Variants in SLC24A2 observed in about 807,000 individuals in gnomAD.
The protein encoded by SLC24A2 is sodium/potassium/calcium exchanger 2.
SLC24A2 carries 36 observed loss-of-function variants against 62.0 expected under a neutral mutation model. The ratio of observed to expected loss-of-function variants is 0.58; its 90% confidence interval spans 0.44 to 0.77. The LOEUF (loss-of-function observed/expected upper bound fraction) is 0.77, where lower values mean the gene tolerates loss of function less well. SLC24A2 is among the 30% of genes least tolerant of loss of function. The pLI, the probability that SLC24A2 is intolerant of heterozygous loss-of-function variation, is 0.00. For synonymous variants in SLC24A2, 358 were observed against 294.0 expected (o/e 1.22, Z -2.23); for missense variants, 846 against 817.9 (o/e 1.03, Z -0.42).
the SLC24A2 span, among the ~76,000 whole-genome samples, chr9:20,004,811 ATT>A: frequency 6.7e-5 from 10 of 150,120 alleles, no homozygotes; most frequent in South Asian, 2.1e-4. Context: ...GAAGATGATG[ATT>A]TTTTTTTTTC....
chr9:20,034,613 C>T, the SLC24A2 span, among the ~76,000 whole-genome samples: 1 of 151,950 alleles, frequency 6.6e-6, no homozygotes, highest in African/African-American at 2.4e-5. Context: ...ATTACAGTGG[C>T]CCGCCACTAT....
the SLC24A2 span, among the ~76,000 whole-genome samples, chr9:19,884,807 C>A: frequency 6.6e-6 from 1 of 152,090 alleles, no homozygotes; most frequent in African/African-American, 2.4e-5. Flanking sequence ...TGATTTTGCC[C>A]AACAGTAGGC....
the SLC24A2 span, among the ~76,000 whole-genome samples, chr9:20,056,412 T>C: frequency 6.6e-6 from 1 of 152,180 alleles, no homozygotes; most frequent in Non-Finnish European, 1.5e-5. Flanking sequence ...ATCATGACCA[T>C]CTGCAAAATA....
chr9:20,000,820 A>G, the SLC24A2 span, among the ~76,000 whole-genome samples: 1 of 152,210 alleles, frequency 6.6e-6, no homozygotes, highest in African/African-American at 2.4e-5. Flanking sequence ...TCCTCTATAC[A>G]CAGAGAAAAC....
At chr9:19,845,286 T>C in the SLC24A2 span, among the ~76,000 whole-genome samples, 3 of 152,092 alleles carry the variant, frequency 2.0e-5, no homozygotes, top group African/African-American at 7.2e-5. Flanking sequence ...TATTATACAT[T>C]GGATTGTATT....
At chr9:19,857,526 CTTTAA>C in the SLC24A2 span, among the ~76,000 whole-genome samples, 1 of 152,120 alleles carries the variant, frequency 6.6e-6, no homozygotes, top group Non-Finnish European at 1.5e-5. Context: ...TTTAAATCTT[CTTTAA>C]TTTTTCTCAG....
the SLC24A2 span, among the ~76,000 whole-genome samples, chr9:20,002,060 A>C: frequency 6.6e-6 from 1 of 152,222 alleles, no homozygotes; most frequent in Non-Finnish European, 1.5e-5. Context: ...TGAGGACTAA[A>C]GCCCTGCTTT....
chr9:20,205,391 G>A, the SLC24A2 span, among the ~76,000 whole-genome samples: 1 of 152,124 alleles, frequency 6.6e-6, no homozygotes, highest in Non-Finnish European at 1.5e-5. Context: ...GTTTACACCT[G>A]TAATCTCAGC....
At chr9:20,197,023 T>A in the SLC24A2 span, among the ~76,000 whole-genome samples, 1 of 152,240 alleles carries the variant, frequency 6.6e-6, no homozygotes, top group East Asian at 1.9e-4. Context: ...TAACATAATT[T>A]ACACAGCCCT....
the SLC24A2 span, among the ~76,000 whole-genome samples, chr9:19,798,858 AACTTT>A: frequency 8.1e-4 from 124 of 152,220 alleles, no homozygotes; most frequent in African/African-American, 2.8e-3. Flanking sequence ...TTCTCTTTGA[AACTTT>A]ACTTTATTTC....
the SLC24A2 span, among the ~76,000 whole-genome samples, chr9:20,221,709 T>C: frequency 6.6e-6 from 1 of 151,902 alleles, no homozygotes; most frequent in African/African-American, 2.4e-5. Flanking sequence ...ATGGAAGATG[T>C]TTAAAGCTCT....
At chr9:19,894,456 A>T in the SLC24A2 span, among the ~76,000 whole-genome samples, 11,957 of 152,270 alleles carry the variant, frequency 0.079, 646 homozygotes, top group East Asian at 0.25. Flanking sequence ...AAACATTGGC[A>T]AATTGGTAAC....
Position 19,619,575 on chromosome 9 carries a change from G to C in SLC24A2, c.1078+9C>G. 1.2e-6 allele frequency: 2 copies of C among 1,600,794 alleles called. No homozygotes were observed. Among genetic ancestry groups the C allele is most frequent in the Non-Finnish European group, 1.7e-6 (2 of 1,167,860 alleles). On this transcript the variant is annotated intron_variant, in intron 4 of 10. Transcript: ENST00000341998. ...CAAACAAGTTCCCAAACCAAAGCTT[G>C]ATGTTTACCTTCGGCGAGTGGGTCA...
chr9:19,906,160 A>C, the SLC24A2 span, among the ~76,000 whole-genome samples: 2 of 152,250 alleles, frequency 1.3e-5, no homozygotes, highest in Non-Finnish European at 2.9e-5. Context: ...ACTAGAACTC[A>C]GGATTAAGAA....
the SLC24A2 span, among the ~76,000 whole-genome samples, chr9:19,938,530 A>T: frequency 6.6e-6 from 1 of 152,096 alleles, no homozygotes; most frequent in Admixed American, 6.5e-5. Context: ...TTGACTATGG[A>T]CTCTGGAATA....
At chr9:19,677,946 A>T (rs553211785) in intron 2 of SLC24A2, among the ~76,000 whole-genome samples, 69 of 152,258 alleles carry the variant, frequency 4.5e-4, no homozygotes, top group African/African-American at 1.6e-3. Flanking sequence ...AACAATGACC[A>T]ATGACAGAGC....
chr9:19,756,369 A>T (rs1012600370), intron 2 of SLC24A2, among the ~76,000 whole-genome samples: 7 of 152,224 alleles, frequency 4.6e-5, no homozygotes, highest in African/African-American at 1.4e-4. Flanking sequence ...AGAAGAAGAG[A>T]ATCATAGGCT....
the SLC24A2 span, among the ~76,000 whole-genome samples, chr9:20,303,525 T>A: frequency 6.6e-6 from 1 of 152,188 alleles, no homozygotes; most frequent in Admixed American, 6.5e-5. Flanking sequence ...GACAGCATAG[T>A]TTAAGGGCCA....
At position 19,550,194 on chromosome 9, in the gene SLC24A2, C is replaced by A. The variant is rs759265847; in HGVS notation, c.1422G>T (p.Leu474=). The A allele has an allele frequency of 5.0e-6, 8 of 1,614,120 alleles. No homozygotes were observed. The South Asian group carries it at 8.8e-5, about 18-fold the overall frequency. The change falls in exon 8 of 11, where the codon CTG becomes CTT. Residue 474 remains leucine, a synonymous_variant. Transcript: ENST00000341998. Reference sequence around the variant, plus strand: ...GAGGAAACACTATGGGGAAAACAATCAGAAACGTGACTTGCTTGCGGGTTT... The same window carrying A: ...GAGGAAACACTATGGGGAAAACAATAAGAAACGTGACTTGCTTGCGGGTTT... ...PSETRKQVTF[L]IVFPIVFPLW... is the part of the protein sequence containing the mutation.
Sources: gnomAD v4.1 joint callset for allele counts (sites outside exome capture counted in the v4.1 genomes callset) on GRCh38, gnomAD v4.1.1 for gene constraint, MANE v1.5 for transcripts, NCBI Gene and HGNC (gene_info 2026-07-23, HGNC 2026-07-21) for gene names.